The following PPFIA2 variants were observed in gnomAD, a reference collection of about 807,000 sequenced individuals.
PPFIA2 encodes the protein liprin-alpha-2.
PPFIA2 carries 46 observed loss-of-function variants against 175.5 expected under a neutral mutation model. That is an observed-to-expected ratio of 0.26 (90% CI 0.21 to 0.34). PPFIA2 has a LOEUF of 0.34. Ranked by LOEUF, PPFIA2 falls within the 10% of genes least tolerant of loss-of-function variation. PPFIA2 has a pLI of 1.00. For missense variants in PPFIA2, 1,179 were observed against 1,506.1 expected (o/e 0.78, Z 3.60); for synonymous variants, 568 against 511.4 (o/e 1.11, Z -1.49).
intron 4 of PPFIA2, among the ~76,000 whole-genome samples, chr12:81,479,878 T>C (rs1240981072): frequency 6.6e-6 from 1 of 152,184 alleles, no homozygotes. Context: ...CTGATGATTA[T>C]GTGTCTTGGG....
intron 3 of PPFIA2, among the ~76,000 whole-genome samples, chr12:81,703,915 C>G (rs1416277744): frequency 6.6e-6 from 1 of 152,164 alleles, no homozygotes; most frequent in Non-Finnish European, 1.5e-5. Flanking sequence ...TCACAGAGTC[C>G]TTGTTCACTT....
At chr12:81,358,835 T>C (rs1476762045) in intron 15 of PPFIA2, among the ~76,000 whole-genome samples, 4 of 152,072 alleles carry the variant, frequency 2.6e-5, no homozygotes, top group African/African-American at 9.7e-5. Context: ...ATTTTTTAAG[T>C]TTTTAATAAG....
At chr12:81,421,918 GAA>G (rs1286667606) in intron 7 of PPFIA2, among the ~76,000 whole-genome samples, 1 of 151,652 alleles carries the variant, frequency 6.6e-6, no homozygotes, top group African/African-American at 2.4e-5. Flanking sequence ...CTTATATCAT[GAA>G]AAGTTATGCC....
intron 8 of PPFIA2, among the ~76,000 whole-genome samples, chr12:81,391,762 GA>G (rs2040170438): frequency 6.6e-6 from 1 of 151,868 alleles, no homozygotes; most frequent in Non-Finnish European, 1.5e-5. Flanking sequence ...ATAATGAAAA[GA>G]AAGCATTGAG....
intron 4 of PPFIA2, among the ~76,000 whole-genome samples, chr12:81,602,873 T>C (rs1404601608): frequency 6.6e-6 from 1 of 151,818 alleles, no homozygotes; most frequent in Admixed American, 6.6e-5. Flanking sequence ...CTTGCAAATA[T>C]CCATGTCCTT....
At chr12:81,320,809 G>A (rs1185001950) in intron 22 of PPFIA2, among the ~76,000 whole-genome samples, 2 of 151,942 alleles carry the variant, frequency 1.3e-5, no homozygotes, top group Non-Finnish European at 2.9e-5. Context: ...GAATTAGAGA[G>A]GTGAATTACT....
intron 5 of PPFIA2, among the ~76,000 whole-genome samples, chr12:81,455,194 T>C (rs559313557): frequency 6.6e-6 from 1 of 152,352 alleles, no homozygotes; most frequent in East Asian, 1.9e-4. Context: ...TGGTTTTATT[T>C]AGCAACATTT....
intron 5 of PPFIA2, among the ~76,000 whole-genome samples, chr12:81,449,151 G>T (rs73358638): frequency 0.019 from 2,833 of 152,194 alleles, 98 homozygotes; most frequent in African/African-American, 0.065. Context: ...GCATAAAGAA[G>T]TGACCATGGT....
chr12:81,685,400 T>A (rs1011502765), intron 3 of PPFIA2, among the ~76,000 whole-genome samples: 2 of 152,058 alleles, frequency 1.3e-5, no homozygotes, highest in South Asian at 2.1e-4. Flanking sequence ...CCAAAAGGTG[T>A]CCTTTTTAAT....
chr12:81,585,014 A>T (rs191332454), intron 4 of PPFIA2, among the ~76,000 whole-genome samples: 1,695 of 78,658 alleles, frequency 0.022, 94 homozygotes, highest in African/African-American at 0.079. Context: ...AATTATATTT[A>T]TATATAATAT....
intron 15 of PPFIA2, among the ~76,000 whole-genome samples, chr12:81,358,676 C>T (rs2061201106): frequency 6.6e-6 from 1 of 152,066 alleles, no homozygotes; most frequent in East Asian, 1.9e-4. Flanking sequence ...CTTTTCCAAT[C>T]TTAAAATTTT....
At chr12:81,571,090 A>T (rs551207902) in intron 4 of PPFIA2, among the ~76,000 whole-genome samples, 2 of 152,182 alleles carry the variant, frequency 1.3e-5, no homozygotes, top group East Asian at 3.9e-4. Flanking sequence ...CTACTGTGCT[A>T]TGATTACATG....
chr12:81,385,654 A>G (rs1247437055), intron 8 of PPFIA2, among the ~76,000 whole-genome samples: 1 of 152,188 alleles, frequency 6.6e-6, no homozygotes, highest in Non-Finnish European at 1.5e-5. Flanking sequence ...GAATCTAAAA[A>G]GTCAAACTCA....
chr12:81,628,954 G>A (rs1305847981), intron 4 of PPFIA2, among the ~76,000 whole-genome samples: 1 of 152,090 alleles, frequency 6.6e-6, no homozygotes, highest in Non-Finnish European at 1.5e-5. Context: ...GTGGCCCAGA[G>A]CCAATACAAT....
rs562662212 is a variant in PPFIA2 at position 81,258,027 on chromosome 12, A to G, written c.*1667T>C. 6.6e-6 allele frequency: 1 copy of G among 152,242 alleles called. No homozygotes were observed. Among genetic ancestry groups the G allele is most frequent in the Middle Eastern group, 3.4e-3 (1 of 294 alleles). 9.4% of individuals were successfully genotyped at this position (152,242 alleles called of 1,614,324 possible). A position where few individuals can be genotyped will look rare whatever the true frequency, so the allele number is the denominator to read the frequency against. ...AGTTCCTATATTCTATTTCATTTCT[A>G]TGAATCAAGATGCCCATGTTTAGAT... is the stretch of plus-strand genomic sequence containing the variant. On this transcript the variant is annotated 3_prime_UTR_variant, in exon 33 of 33. Coordinates refer to ENST00000549396, the MANE Select transcript of PPFIA2 (RefSeq NM_003625.5).
chr12:81,427,024 GTTTAA>G (rs1377337607), intron 7 of PPFIA2, among the ~76,000 whole-genome samples: 1 of 152,034 alleles, frequency 6.6e-6, no homozygotes, highest in African/African-American at 2.4e-5. Context: ...TTTAAAGGTA[GTTTAA>G]TTTGATTAAT....
rs754772229 is a variant in PPFIA2 at position 81,299,389 on chromosome 12, T to A, written c.2643-7A>T. The A allele has an allele frequency of 2.1e-5, 33 of 1,574,834 alleles. No individual in the cohort carries two copies. Among genetic ancestry groups the A allele is most frequent in the Non-Finnish European group, 2.8e-5 (32 of 1,158,644 alleles). On this transcript the variant is annotated splice_region_variant and splice_polypyrimidine_tract_variant and intron_variant, in intron 22 of 32. Transcript: ENST00000549396. ...TTCTTCAAGAAGTTCATGCCTGAAG[T>A]ATATAGCAAAGATTATTAGGCAGGT...
chr12:81,319,360 G>A (rs549980455), intron 22 of PPFIA2, among the ~76,000 whole-genome samples: 1 of 151,714 alleles, frequency 6.6e-6, no homozygotes, highest in South Asian at 2.1e-4. Flanking sequence ...TACGTTCAGG[G>A]AATTCTTATA....
intron 11 of PPFIA2, among the ~76,000 whole-genome samples, chr12:81,373,030 C>G (rs191263511): frequency 6.6e-6 from 1 of 151,618 alleles, no homozygotes; most frequent in Admixed American, 6.6e-5. Context: ...TATTCTAAAT[C>G]AATAATTCTT....
Sources: gnomAD v4.1 joint callset for allele counts (sites outside exome capture counted in the v4.1 genomes callset) on GRCh38, gnomAD v4.1.1 for gene constraint, MANE v1.5 for transcripts, NCBI Gene and HGNC (gene_info 2026-07-23, HGNC 2026-07-21) for gene names.